Variants in P2RX6 observed in about 807,000 individuals in gnomAD.
P2RX6 encodes the protein purinergic receptor P2X 6, also known as P2X purinoceptor 6.
Under a neutral mutation model 54.2 loss-of-function variants are expected in P2RX6, and 62 were observed. The observed-to-expected ratio is 1.14, with a 90% CI of 0.93 to 1.41. The LOEUF is 1.41. P2RX6 is among the 40% of genes most tolerant of loss of function. P2RX6 has a pLI of 0.00. For synonymous variants in P2RX6, 211 were observed against 231.9 expected (o/e 0.91, Z 0.82); for missense variants, 541 against 566.3 (o/e 0.96, Z 0.45).
At position 21,022,730 on chromosome 22, in the gene P2RX6, G is replaced by T; in HGVS notation, c.442G>T (p.Glu148Ter). 1 of 1,578,194 alleles carries T rather than the reference G, an allele frequency of 6.3e-7. No individual in the cohort carries two copies. Among genetic ancestry groups the T allele is most frequent in the Non-Finnish European group, 8.6e-7 (1 of 1,163,246 alleles). Residue 148 changes from glutamate (E) to a stop codon, truncating the protein, a stop_gained, in exon 4 of 12, where the codon GAG (glutamate) becomes TAG (stop). Coordinates refer to ENST00000413302, the MANE Select transcript of P2RX6 (RefSeq NM_005446.5). LOFTEE classifies it high-confidence loss of function. ...GGTCGACGAGGACTGCCCCGAAGGG[G>T]AGGGAGGCACACACAGCCACGGTAA... ...CWVDEDCPEG[E>*]GGTHSHGVKT...
At chr22:21,012,541 C>T (rs1034133060), upstream of P2RX6, 13 of 616,554 alleles carry the variant, frequency 2.1e-5, no homozygotes, top group African/African-American at 2.3e-4. Context: ...GATGCTGCTG[C>T]TTTTGCTCAG....
In P2RX6 at chr22:21,022,712, G is replaced by T. The variant is rs776197711; in HGVS notation, c.424G>T (p.Glu142Ter). ...CCCACTGGCTAACTGCTGGGTCGAC[G>T]AGGACTGCCCCGAAGGGGAGGGAGG... Reference protein sequence around the residue: ...SVPLANCWVDEDCPEGEGGTH... With the variant: ...SVPLANCWVD The change falls in exon 4 of 12, where the codon GAG (glutamate) becomes TAG (stop). Residue 142 changes from glutamate to a stop codon, truncating the protein, a stop_gained. Transcript: ENST00000413302. LOFTEE classifies it high-confidence loss of function. 3 of 1,578,986 alleles carry T rather than the reference G, an allele frequency of 1.9e-6. No individual in the cohort carries two copies. The African/African-American group carries it at 4.1e-5, about 21-fold the overall frequency.
rs191465083 is a variant in P2RX6 at position 21,023,995 on chromosome 22, A to G, written c.890+377A>G. On this transcript the variant is annotated intron_variant, in intron 8 of 11. Coordinates refer to ENST00000413302, the MANE Select transcript of P2RX6 (RefSeq NM_005446.5). Reference sequence around the variant, plus strand: ...TTTTAAGACAGAATCTCATTCTGTCACCCAGGCTGGAGTGCAGTGGCCCGA... The same window carrying G: ...TTTTAAGACAGAATCTCATTCTGTCGCCCAGGCTGGAGTGCAGTGGCCCGA... Among the ~76,000 whole-genome samples the G allele has an allele frequency of 4.1e-3, 616 of 148,782 alleles. 3 individuals are homozygous for G. Among genetic ancestry groups the G allele is most frequent in the African/African-American group, 0.015 (592 of 40,198 alleles).
intron 8 of P2RX6, among the ~76,000 whole-genome samples, chr22:21,025,096 G>A (rs1199731635): frequency 6.6e-6 from 1 of 151,336 alleles, no homozygotes; most frequent in Non-Finnish European, 1.5e-5. Flanking sequence ...GGTCAGGCTG[G>A]TCTCGAACTC....
Position 21,023,545 on chromosome 22 carries a change from G to T in P2RX6, c.817G>T (p.Asp273Tyr). 1 of 1,613,776 alleles carries T rather than the reference G, an allele frequency of 6.2e-7. No individual in the cohort carries two copies. Among genetic ancestry groups the T allele is most frequent in the Non-Finnish European group, 8.5e-7 (1 of 1,179,818 alleles). Residue 273 changes from aspartate (D) to tyrosine (Y), a missense_variant, in exon 8 of 12, where the codon GAC becomes TAC. Around this residue, in one of 2 missense-constraint regions of P2RX6, gnomAD observed 526 missense variants for 531.5 expected, o/e 0.99. Coordinates refer to ENST00000413302, the MANE Select transcript of P2RX6 (RefSeq NM_005446.5). ...AGGCATCAGAGTTCACTGGGATTGT[G>T]ACCTGGACACCGGGGACTCTGGCTG... ...SVGIRVHWDC[D>Y]LDTGDSGCWP...
intron 2 of P2RX6, among the ~76,000 whole-genome samples, chr22:21,017,275 C>T (rs1183828690): frequency 1.3e-5 from 2 of 152,226 alleles, no homozygotes; most frequent in African/African-American, 4.8e-5. Flanking sequence ...TAATGGCTGC[C>T]ACTCCCAGCA....
intron 1 of P2RX6, chr22:21,010,120 T>G (rs940558820): frequency 7.2e-5 from 11 of 152,232 alleles, no homozygotes; most frequent in African/African-American, 2.7e-4. Flanking sequence ...CCAAGCTCCT[T>G]CACCTCTCAA....
intron 3 of P2RX6, 68 bp downstream of exon 3, chr22:21,018,128 T>C: frequency 3.0e-6 from 3 of 987,064 alleles, no homozygotes; most frequent in Non-Finnish European, 4.8e-6. Flanking sequence ...GCCACCCGTG[T>C]TTCCCTTTCC....
intron 5 of P2RX6, 35 bp downstream of exon 5, chr22:21,023,070 G>T: frequency 6.2e-7 from 1 of 1,611,848 alleles, no homozygotes; most frequent in Non-Finnish European, 8.5e-7. Context: ...CCCAACTGGC[G>T]CAGGGCCCCA....
chr22:21,015,840 A>G, intron 1 of P2RX6, 102 bp from the exon 2 acceptor site: 1 of 1,240,622 alleles, frequency 8.1e-7, no homozygotes, highest in Non-Finnish European at 1.1e-6. Context: ...TTGGGCCGGG[A>G]GCCTGTAGGG....
intron 1 of P2RX6, chr22:21,010,117 C>T (rs1925657576): frequency 6.6e-6 from 1 of 152,246 alleles, no homozygotes; most frequent in South Asian, 2.1e-4. Flanking sequence ...GATCCAAGCT[C>T]CTTCACCTCT....
chr22:21,024,164 G>A (rs1421082913), intron 8 of P2RX6, among the ~76,000 whole-genome samples: 2 of 151,564 alleles, frequency 1.3e-5, no homozygotes, highest in Admixed American at 6.6e-5. Context: ...TCACAATGTT[G>A]GCCAGGCTGG....
At chr22:21,016,596 A>C (rs927995638) in intron 2 of P2RX6, among the ~76,000 whole-genome samples, 2 of 151,688 alleles carry the variant, frequency 1.3e-5, no homozygotes. Context: ...CTCAAAAAAA[A>C]AAAAAAAAAA....
At chr22:21,023,238 G>A (rs749266784) in intron 6 of P2RX6, 37 bp from the exon 7 acceptor site, 2 of 1,613,756 alleles carry the variant, frequency 1.2e-6, no homozygotes, top group African/African-American at 2.7e-5. Context: ...GACCCTCCTT[G>A]TCCCCTACCT....
At chr22:21,013,707 GT>G (rs1925909177), upstream of P2RX6, 1 of 152,232 alleles carries the variant, frequency 6.6e-6, no homozygotes, top group African/African-American at 2.4e-5. Context: ...GACCACAAAT[GT>G]TTTGTGAATA....
chr22:21,020,241 C>T (rs1335607682), intron 3 of P2RX6, among the ~76,000 whole-genome samples: 1 of 152,230 alleles, frequency 6.6e-6, no homozygotes, highest in Non-Finnish European at 1.5e-5. Flanking sequence ...TTGTCTGCAA[C>T]CACACTTCTG....
intron 3 of P2RX6, 126 bp from the exon 4 acceptor site, chr22:21,022,550 G>A (rs1344355945): frequency 2.6e-5 from 16 of 625,316 alleles, no homozygotes; most frequent in Middle Eastern, 3.0e-4. Flanking sequence ...GCGGCGGGGT[G>A]GTGAGGTTGT....
chr22:21,014,574 G>C (rs1211624325), upstream of P2RX6, among the ~76,000 whole-genome samples: 2 of 152,194 alleles, frequency 1.3e-5, no homozygotes, highest in African/African-American at 2.4e-5. Context: ...TGGGAAACAC[G>C]CCTGACTCCA....
chr22:21,016,472 G>C (rs2005891), intron 2 of P2RX6, among the ~76,000 whole-genome samples: 123,648 of 151,644 alleles, frequency 0.82, 50,735 homozygotes, highest in Non-Finnish European at 0.87. Flanking sequence ...GCCTGTAGTC[G>C]CAGCTACTCG....
Sources: allele counts gnomAD v4.1 joint callset (sites outside exome capture counted in the v4.1 genomes callset), GRCh38; gene constraint gnomAD v4.1.1; regional missense constraint gnomAD v4.1.1; transcripts MANE v1.5; gene names NCBI Gene and HGNC (gene_info 2026-07-23, HGNC 2026-07-21).